Variants in EHD3 observed in about 807,000 individuals in gnomAD.
The protein encoded by EHD3 is EH domain containing 3.
A neutral mutation model predicts 43.0 loss-of-function variants in EHD3; 17 were observed. The ratio of observed to expected loss-of-function variants is 0.40; its 90% CI spans 0.27 to 0.59. The LOEUF (loss-of-function observed/expected upper bound fraction) is 0.59. Ranked by LOEUF, EHD3 falls within the 20% of genes least tolerant of loss-of-function variation. The pLI is 0.49. For synonymous variants in EHD3, 313 were observed against 289.5 expected (o/e 1.08, Z -0.82); for missense variants, 594 against 705.6 (o/e 0.84, Z 1.79).
intron 5 of EHD3, among the ~76,000 whole-genome samples, chr2:31,262,442 C>T (rs1304021838): frequency 6.6e-6 from 1 of 152,196 alleles, no homozygotes; most frequent in African/African-American, 2.4e-5. Flanking sequence ...TACAAAATCA[C>T]GCCTTATACA....
chr2:31,264,463 G>C (rs1449941748), intron 5 of EHD3, among the ~76,000 whole-genome samples: 2 of 151,418 alleles, frequency 1.3e-5, no homozygotes, highest in African/African-American at 4.9e-5. Context: ...TGTACACTTA[G>C]GCTACACTAT....
In EHD3 at chr2:31,244,448, C is replaced by A; in HGVS notation, c.402C>A (p.Asn134Lys). 6.2e-7 allele frequency: 1 copy of A among 1,613,732 alleles called. No homozygotes were observed. Among genetic ancestry groups the A allele is most frequent in the Non-Finnish European group, 8.5e-7 (1 of 1,179,864 alleles). The change falls in exon 2 of 6, where the codon AAC becomes AAA. Residue 134 changes from asparagine (N) to lysine (K), a missense_variant and splice_region_variant. Physicochemically the swap from Asn to Lys is moderately conservative, Grantham distance 94 (BLOSUM62 0). Around this residue, in one of 3 missense-constraint regions of EHD3, gnomAD observed 243 missense variants for 296.7 expected, o/e 0.82. Coordinates refer to ENST00000322054, the MANE Select transcript of EHD3 (RefSeq NM_014600.3). Reference sequence around the variant, plus strand: ...ACGCCTTTGGCAACGCCTTCTTGAACAGGTGAGTGTGGAGGGAACACAACA... The same window carrying A: ...ACGCCTTTGGCAACGCCTTCTTGAAAAGGTGAGTGTGGAGGGAACACAACA... ...KLNAFGNAFL[N>K]RFVCAQLPNP...
chr2:31,240,016 G>C (rs188645173), intron 1 of EHD3, among the ~76,000 whole-genome samples: 35 of 152,318 alleles, frequency 2.3e-4, no homozygotes, highest in African/African-American at 7.9e-4. Context: ...CTGGCCACCA[G>C]ATTCTCCTTC....
intron 2 of EHD3, among the ~76,000 whole-genome samples, chr2:31,245,131 G>A (rs999537745): frequency 2.0e-5 from 3 of 152,180 alleles, no homozygotes; most frequent in African/African-American, 7.2e-5. Context: ...CATGTGCATG[G>A]TAAATACTTT....
intron 3 of EHD3, among the ~76,000 whole-genome samples, chr2:31,256,141 G>C (rs569446963): frequency 1.5e-4 from 23 of 152,332 alleles, no homozygotes; most frequent in Admixed American, 4.6e-4. Context: ...TAGTGGCTAA[G>C]CGGAAACGAG....
In EHD3 at chr2:31,260,184, G is replaced by C. The variant is rs187649367; in HGVS notation, c.503-326G>C. On this transcript the variant is annotated intron_variant, in intron 3 of 5. Transcript: ENST00000322054. The surrounding 1 kb of genome is among the most constrained non-coding windows in gnomAD (Gnocchi z 4.6). ...CCACTACACTCCAGCCTGGGTGAGAGAGCAAGACTCCGTCTCAAAAAAAAA... is the reference window on the plus strand; with the variant it reads ...CCACTACACTCCAGCCTGGGTGAGACAGCAAGACTCCGTCTCAAAAAAAAA... Among the ~76,000 whole-genome samples, 3 of 152,186 alleles carry C rather than the reference G, an allele frequency of 2.0e-5. No homozygotes were observed. The highest frequency in any genetic ancestry group is 2.9e-5 in the Non-Finnish European group (2 of 68,008).
rs773132739 is a variant in EHD3 at position 31,260,640 on chromosome 2, G to T, written c.633G>T (p.Glu211Asp). 6.2e-7 allele frequency: 1 copy of T among 1,614,180 alleles called. No individual in the cohort carries two copies. Among genetic ancestry groups the T allele is most frequent in the South Asian group, 1.1e-5 (1 of 91,080 alleles). Residue 211 changes from glutamate to aspartate, a missense_variant, in exon 4 of 6, where the codon GAG becomes GAT. Coordinates refer to ENST00000322054, the MANE Select transcript of EHD3 (RefSeq NM_014600.3). The surrounding 1 kb of genome is among the most constrained non-coding windows in gnomAD (Gnocchi z 4.6). Reference protein sequence around the residue: ...SEVIKALKNHEDKMRVVLNKA... With the variant: ...SEVIKALKNHDDKMRVVLNKA... ...TCATCAAAGCCCTCAAGAACCACGA[G>T]GACAAGATGCGAGTGGTGCTGAACA...
chr2:31,257,042 G>A (rs1683764189), intron 3 of EHD3, among the ~76,000 whole-genome samples: 2 of 152,202 alleles, frequency 1.3e-5, no homozygotes, highest in African/African-American at 4.8e-5. Flanking sequence ...GCCCAGTCTT[G>A]GTCCTCCCAG....
intron 1 of EHD3, among the ~76,000 whole-genome samples, chr2:31,235,073 TG>T: frequency 6.6e-6 from 1 of 152,228 alleles, no homozygotes; most frequent in South Asian, 2.1e-4. Context: ...CCCTTGGCTG[TG>T]GTGGTCAACC....
At chr2:31,252,943 C>T (rs1242721217) in intron 3 of EHD3, among the ~76,000 whole-genome samples, 2 of 152,136 alleles carry the variant, frequency 1.3e-5, no homozygotes, top group East Asian at 1.9e-4. Flanking sequence ...GCGCCTGGGG[C>T]GGTGCTGACC....
chr2:31,234,728 T>C lies in EHD3; in HGVS notation c.107T>C (p.Leu36Ser). 6.2e-7 allele frequency: 1 copy of C among 1,614,204 alleles called. No homozygotes were observed. Among genetic ancestry groups the C allele is most frequent in the Non-Finnish European group, 8.5e-7 (1 of 1,180,018 alleles). Residue 36 changes from leucine to serine, a missense_variant, in exon 1 of 6, where the codon TTG (leucine) becomes TCG (serine). By Grantham distance (145) the Leu-to-Ser change is moderately radical. Transcript: ENST00000322054. ...KKLYKSKLLP[L>S]EEHYRFHEFH... ...CTCTACAAGAGCAAGCTGCTGCCCTTGGAAGAGCATTACCGCTTCCACGAG... is the reference window on the plus strand; with the variant it reads ...CTCTACAAGAGCAAGCTGCTGCCCTCGGAAGAGCATTACCGCTTCCACGAG...
chr2:31,267,791 C>G lies in EHD3; in HGVS notation c.*1087C>G, dbSNP rs1180697949. The G allele has an allele frequency of 1.3e-5, 2 of 152,236 alleles. No homozygotes were observed. Among genetic ancestry groups the G allele is most frequent in the Non-Finnish European group, 2.9e-5 (2 of 68,066 alleles). 9.4% of individuals were successfully genotyped at this position (152,236 alleles called of 1,614,324 possible). A position where few individuals can be genotyped will look rare whatever the true frequency, so the allele number is the denominator to read the frequency against. On this transcript the variant is annotated 3_prime_UTR_variant, in exon 6 of 6. Coordinates refer to ENST00000322054, the MANE Select transcript of EHD3 (RefSeq NM_014600.3). ...ATGGAGAACAAGCAAAGTATGCAGG[C>G]CCCCTGCAGCCTCCCAGGACAGGCT...
At chr2:31,263,673 C>T (rs905332872) in intron 5 of EHD3, among the ~76,000 whole-genome samples, 1 of 152,146 alleles carries the variant, frequency 6.6e-6, no homozygotes, top group African/African-American at 2.4e-5. Flanking sequence ...GGCTCAGCCT[C>T]ACCCTAGGAA....
chr2:31,237,681 C>T (rs1683347632), intron 1 of EHD3, among the ~76,000 whole-genome samples: 2 of 152,190 alleles, frequency 1.3e-5, no homozygotes, highest in Non-Finnish European at 2.9e-5. Context: ...CTGGGGATTA[C>T]AGACGTGAAC....
chr2:31,251,217 G>C (rs1050623461), intron 3 of EHD3, among the ~76,000 whole-genome samples: 1 of 152,252 alleles, frequency 6.6e-6, no homozygotes, highest in Non-Finnish European at 1.5e-5. Flanking sequence ...GCAGAAAGCA[G>C]CTCTCTTCTG....
chr2:31,250,359 C>T (rs1240844165), intron 3 of EHD3, among the ~76,000 whole-genome samples: 3 of 151,408 alleles, frequency 2.0e-5, no homozygotes, highest in African/African-American at 4.9e-5. Context: ...CTCTGCCTCC[C>T]GGGTTCAAGC....
At chr2:31,258,447 C>T (rs1683793306) in intron 3 of EHD3, among the ~76,000 whole-genome samples, 1 of 152,188 alleles carries the variant, frequency 6.6e-6, no homozygotes, top group Non-Finnish European at 1.5e-5. Flanking sequence ...CATTCATCCT[C>T]ATCCCCCACC....
rs997464525 is a variant in EHD3 at position 31,260,094 on chromosome 2, G to A, written c.503-416G>A. ...CGCATGCCTGTAATCCCAGCTACTC[G>A]GGAGGCTGAGGCAGGAAAATCACTT... On this transcript the variant is annotated intron_variant, in intron 3 of 5. Coordinates refer to ENST00000322054, the MANE Select transcript of EHD3 (RefSeq NM_014600.3). This position sits in a 1 kb window ranked among gnomAD's most constrained non-coding sequence, Gnocchi z 4.6. Among the ~76,000 whole-genome samples, 3 of 152,116 alleles carry A rather than the reference G, an allele frequency of 2.0e-5. No individual in the cohort carries two copies. The highest frequency in any genetic ancestry group is 2.1e-4 in the South Asian group (1 of 4,818).
intron 3 of EHD3, among the ~76,000 whole-genome samples, chr2:31,253,174 A>T (rs72861129): frequency 2.8e-5 from 2 of 72,532 alleles, no homozygotes; most frequent in Non-Finnish European, 5.0e-5. Flanking sequence ...TCCCACACCC[A>T]CACATGCATA....
Sources: allele counts gnomAD v4.1 joint callset (sites outside exome capture counted in the v4.1 genomes callset), GRCh38; gene constraint gnomAD v4.1.1; regional missense constraint gnomAD v4.1.1; non-coding constraint Gnocchi (gnomAD v3.1); transcripts MANE v1.5; gene names NCBI Gene and HGNC (gene_info 2026-07-23, HGNC 2026-07-21).